GUCY1B1: variants seen among roughly 807,000 people sequenced by gnomAD.
The protein encoded by GUCY1B1 is guanylate cyclase soluble subunit beta-1.
Under a neutral mutation model 71.0 loss-of-function variants are expected in GUCY1B1, and 43 were observed. The ratio of observed to expected loss-of-function variants is 0.61; its 90% CI spans 0.47 to 0.78. GUCY1B1 has a LOEUF of 0.78. Among genes scored for constraint, GUCY1B1 ranks in the 30% least tolerant of loss-of-function variants. The pLI is 0.00. For synonymous variants in GUCY1B1, 266 were observed against 259.7 expected (o/e 1.02, Z -0.23); for missense variants, 535 against 754.1 (o/e 0.71, Z 3.40).
intron 5 of GUCY1B1, among the ~76,000 whole-genome samples, chr4:155,792,255 A>T (rs1393557257): frequency 6.6e-6 from 1 of 152,194 alleles, no homozygotes; most frequent in African/African-American, 2.4e-5. Context: ...GAAGTTAAAA[A>T]TATGATTAGA....
In GUCY1B1 at chr4:155,804,704, A is replaced by G; in HGVS notation, c.1666A>G (p.Thr556Ala). 1 of 1,613,420 alleles carries G rather than the reference A, an allele frequency of 6.2e-7. No individual in the cohort carries two copies. The highest frequency in any genetic ancestry group is 8.5e-7 in the Non-Finnish European group (1 of 1,179,564). Residue 556 changes from threonine (T) to alanine (A), a missense_variant, in exon 12 of 14, where the codon ACA becomes GCA. Transcript: ENST00000264424. ...TVNLTSRTET[T>A]GEKGKINVSE... Reference sequence around the variant, plus strand: ...CAACCTCACAAGCCGAACAGAAACCACAGGAGAAAAGGGAAAAATAAATGT... The same window carrying G: ...CAACCTCACAAGCCGAACAGAAACCGCAGGAGAAAAGGGAAAAATAAATGT...
chr4:155,804,165 T>C (rs1314414652), intron 11 of GUCY1B1, among the ~76,000 whole-genome samples: 1 of 152,208 alleles, frequency 6.6e-6, no homozygotes, highest in South Asian at 2.1e-4. Flanking sequence ...TTGTCCATAA[T>C]ATGCTTGAAA....
At chr4:155,759,743 G>C (rs1371821849) in intron 1 of GUCY1B1, 44 bp from the exon 2 acceptor site, 1 of 1,467,428 alleles carries the variant, frequency 6.8e-7, no homozygotes, top group Non-Finnish European at 9.5e-7. Flanking sequence ...CGCTTCTCAG[G>C]TACAGCGGGT....
chr4:155,780,357 A>C (rs1017772299), intron 4 of GUCY1B1, among the ~76,000 whole-genome samples: 2 of 152,096 alleles, frequency 1.3e-5, no homozygotes, highest in Non-Finnish European at 2.9e-5. Flanking sequence ...AATTCTATTA[A>C]TTCTGCAGGT....
intron 5 of GUCY1B1, among the ~76,000 whole-genome samples, chr4:155,791,361 C>T (rs1272920223): frequency 6.6e-6 from 1 of 150,538 alleles, no homozygotes; most frequent in African/African-American, 2.4e-5. Flanking sequence ...ATGATCCGCC[C>T]GGCTCGGCCT....
chr4:155,766,884 C>T lies in GUCY1B1; in HGVS notation c.77+7024C>T, dbSNP rs537627150. ...GAGCTCTCACCATGTCATGCTATTT[C>T]GAATGTAATATGTCACGTATATTAA... On this transcript the variant is annotated intron_variant, in intron 2 of 13. Coordinates refer to ENST00000264424, the MANE Select transcript of GUCY1B1 (RefSeq NM_000857.5). Among the ~76,000 whole-genome samples the T allele has an allele frequency of 4.6e-5, 7 of 152,214 alleles. No individual in the cohort carries two copies. The South Asian group carries it at 1.5e-3, about 32-fold the overall frequency.
At position 155,789,597 on chromosome 4, in the gene GUCY1B1, G is replaced by A. The variant is rs1739019705; in HGVS notation, c.298-117G>A. ...GAGTGAAGGATGTGCTACATGTGCT[G>A]CTTCGCTGATCTGCCCACTAGACTC... On this transcript the variant is annotated intron_variant, in intron 4 of 13. Transcript: ENST00000264424. 6.7e-6 allele frequency: 4 copies of A among 593,056 alleles called. No individual in the cohort carries two copies. In the Middle Eastern group the frequency reaches 1.3e-3, roughly 196 times the overall value. 36.7% of individuals were successfully genotyped at this position (593,056 alleles called of 1,614,324 possible).
chr4:155,771,106 G>T (rs571884761), intron 2 of GUCY1B1, among the ~76,000 whole-genome samples: 49 of 151,962 alleles, frequency 3.2e-4, no homozygotes, highest in Admixed American at 2.6e-4. Context: ...AAGAAAAAAA[G>T]AAAAAGAAAA....
At chr4:155,762,699 G>T (rs1261625247) in intron 2 of GUCY1B1, among the ~76,000 whole-genome samples, 2 of 152,084 alleles carry the variant, frequency 1.3e-5, no homozygotes, top group Non-Finnish European at 2.9e-5. Context: ...TCTCTTAAAG[G>T]GCCAGATAGT....
chr4:155,766,979 C>T (rs2110984574), intron 2 of GUCY1B1, among the ~76,000 whole-genome samples: 1 of 152,282 alleles, frequency 6.6e-6, no homozygotes, highest in South Asian at 2.1e-4. Flanking sequence ...TAATCCTCAT[C>T]ACCACCACAG....
chr4:155,804,111 A>G (rs1740145348), intron 11 of GUCY1B1, among the ~76,000 whole-genome samples: 1 of 152,160 alleles, frequency 6.6e-6, no homozygotes, highest in Non-Finnish European at 1.5e-5. Context: ...TTGAGATAGG[A>G]TATTTCCCTG....
rs1250511620 is a variant in GUCY1B1 at position 155,807,105 on chromosome 4, C to T, written c.*696C>T. The stretch of plus-strand genomic sequence containing the variant: ...AATTATAATTCTTCTAAAATGCTAT[C>T]ATTTGTAACTGTATCCCCTGTATTA... On this transcript the variant is annotated 3_prime_UTR_variant, in exon 14 of 14. Coordinates refer to ENST00000264424, the MANE Select transcript of GUCY1B1 (RefSeq NM_000857.5). 6.6e-6 allele frequency: 1 copy of T among 152,172 alleles called. No homozygotes were observed. Among genetic ancestry groups the T allele is most frequent in the Non-Finnish European group, 1.5e-5 (1 of 68,014 alleles). The allele number at this position is 152,172 out of a possible 1,614,324, so 9.4% of individuals were successfully genotyped here. A position where few individuals can be genotyped will look rare whatever the true frequency, so the allele number is the denominator to read the frequency against.
chr4:155,803,696 A>G lies in GUCY1B1; in HGVS notation c.1486A>G (p.Ile496Val), dbSNP rs368196119. 18 of 1,604,748 alleles carry G rather than the reference A, an allele frequency of 1.1e-5. No individual in the cohort carries two copies. Among genetic ancestry groups the G allele is most frequent in the African/African-American group, 1.3e-5 (1 of 74,832 alleles). The change falls in exon 11 of 14, where the codon ATC (isoleucine) becomes GTC (valine). Residue 496 changes from isoleucine (I) to valine (V), a missense_variant. Ile to Val is a conservative substitution (Grantham distance 29, BLOSUM62 3). Coordinates refer to ENST00000264424, the MANE Select transcript of GUCY1B1 (RefSeq NM_000857.5). ...GCCATGCATTCACCATGCACGATCCATCTGCCACCTGGCCTTGGACATGAT... is the reference window on the plus strand; with the variant it reads ...GCCATGCATTCACCATGCACGATCCGTCTGCCACCTGGCCTTGGACATGAT... ...PEPCIHHARS[I>V]CHLALDMMEI...
At chr4:155,785,310 G>C in intron 4 of GUCY1B1, 1 of 1,454,884 alleles carries the variant, frequency 6.9e-7, no homozygotes, top group Non-Finnish European at 9.3e-7. Context: ...TGTTTCCTGG[G>C]AATCTACTTG....
rs1234082206 is a variant in GUCY1B1 at position 155,807,286 on chromosome 4, C to T, written c.*877C>T. On this transcript the variant is annotated 3_prime_UTR_variant, in exon 14 of 14. Transcript: ENST00000264424. ...TACTGCTGTTAGAGCCCTTCTTGGC[C>T]TTGTATTCCCAGAAATGAGCTCCCT... The T allele has an allele frequency of 1.3e-5, 2 of 152,120 alleles. No homozygotes were observed. The highest frequency in any genetic ancestry group is 2.4e-5 in the African/African-American group (1 of 41,446). The allele number at this position is 152,120 out of a possible 1,614,324, so 9.4% of individuals were successfully genotyped here.
chr4:155,789,937 G>T, intron 5 of GUCY1B1, 26 bp downstream of exon 5: 1 of 1,397,338 alleles, frequency 7.2e-7, no homozygotes, highest in South Asian at 1.2e-5. Flanking sequence ...GGAGACTTCT[G>T]AACACAGATG....
In GUCY1B1 at chr4:155,759,692, C is replaced by G. The variant is rs78324453; in HGVS notation, c.4-95C>G. 5,450 of 847,100 alleles carry G rather than the reference C, an allele frequency of 6.4e-3. 205 individuals are homozygous for G. In the African/African-American group the frequency reaches 0.079, roughly 12 times the overall value. 52.5% of individuals were successfully genotyped at this position (847,100 alleles called of 1,614,324 possible). A position where few individuals can be genotyped will look rare whatever the true frequency, so the allele number is the denominator to read the frequency against. ...GTCAGGGGCGGGGTGAAAGGTTAAG[C>G]CAGCGCCATGGGAGCAGAGGCAGCA... On this transcript the variant is annotated intron_variant, in intron 1 of 13. Transcript: ENST00000264424.
intron 2 of GUCY1B1, among the ~76,000 whole-genome samples, chr4:155,771,796 C>T (rs1324613736): frequency 6.6e-6 from 1 of 152,046 alleles, no homozygotes; most frequent in East Asian, 1.9e-4. Context: ...CATCTAACTA[C>T]CTACCAAGAC....
In GUCY1B1 at chr4:155,802,333, A is replaced by G. The variant is rs368675940; in HGVS notation, c.1176-9A>G. 27 of 1,613,790 alleles carry G rather than the reference A, an allele frequency of 1.7e-5. No homozygotes were observed. The African/African-American group carries it at 3.3e-4, about 20-fold the overall frequency. On this transcript the variant is annotated splice_polypyrimidine_tract_variant and intron_variant, in intron 9 of 13. Coordinates refer to ENST00000264424, the MANE Select transcript of GUCY1B1 (RefSeq NM_000857.5). This position sits in a 1 kb window ranked among gnomAD's most constrained non-coding sequence, Gnocchi z 4.3. Reference sequence around the variant, plus strand: ...CTTACAGTGGCTTTCTGCTGATCCCACTGAACAGATTGCTGTATTCTGTCC... The same window carrying G: ...CTTACAGTGGCTTTCTGCTGATCCCGCTGAACAGATTGCTGTATTCTGTCC...
Sources: gnomAD v4.1 joint callset for allele counts (sites outside exome capture counted in the v4.1 genomes callset) on GRCh38, gnomAD v4.1.1 for gene constraint, Gnocchi (gnomAD v3.1) non-coding constraint, MANE v1.5 for transcripts, NCBI Gene and HGNC (gene_info 2026-07-23, HGNC 2026-07-21) for gene names.